The following FLRT2 variants were observed in gnomAD, a reference collection of about 807,000 sequenced individuals.
FLRT2 encodes the protein fibronectin leucine rich transmembrane protein 2.
In FLRT2, 15 loss-of-function variants were observed where a neutral mutation model predicts 40.0. That is an observed-to-expected ratio of 0.38 (90% CI 0.25 to 0.58). The LOEUF (loss-of-function observed/expected upper bound fraction) is 0.58, where lower values mean the gene tolerates loss of function less well. Ranked by LOEUF, FLRT2 falls within the 20% of genes least tolerant of loss-of-function variation. The probability of loss-of-function intolerance (pLI) is 0.71; values close to 1 mark genes in which losing one functional copy is unlikely to be tolerated. For missense variants in FLRT2, 726 were observed against 840.0 expected (o/e 0.86, Z 1.68); for synonymous variants, 380 against 336.8 (o/e 1.13, Z -1.41).
rs1481073937 is a variant in FLRT2, at chr14:85,648,084, A to G, written c.*24587A>G. 6.6e-6 allele frequency: 1 copy of G among 152,164 alleles called. No individual in the cohort carries two copies. The highest frequency in any genetic ancestry group is 1.5e-5 in the Non-Finnish European group (1 of 68,028). The allele number at this position is 152,164 out of a possible 1,614,324, so 9.4% of individuals were successfully genotyped here. A position where few individuals can be genotyped will look rare whatever the true frequency, so the allele number is the denominator to read the frequency against. ...AATTACAGACTATCAGCTTGAAACTATGATTGGAATTGAAGGTTAAAGAAA... is the reference window on the plus strand; with the variant it reads ...AATTACAGACTATCAGCTTGAAACTGTGATTGGAATTGAAGGTTAAAGAAA... On this transcript the variant is annotated 3_prime_UTR_variant, in exon 2 of 2. Transcript: ENST00000330753.
chr14:85,635,691 C>T lies in FLRT2; in HGVS notation c.*12194C>T, dbSNP rs1893982561. The T allele has an allele frequency of 6.6e-6, 1 of 151,754 alleles. No homozygotes were observed. Among genetic ancestry groups the T allele is most frequent in the Non-Finnish European group, 1.5e-5 (1 of 67,894 alleles). 9.4% of individuals were successfully genotyped at this position (151,754 alleles called of 1,614,324 possible). Reference sequence around the variant, plus strand: ...TGATCCCTGCCACTTTTATCTGAACCTTGAACAAACATACAATTATGGTTT... The same window carrying T: ...TGATCCCTGCCACTTTTATCTGAACTTTGAACAAACATACAATTATGGTTT... On this transcript the variant is annotated 3_prime_UTR_variant, in exon 2 of 2. Coordinates refer to ENST00000330753, the MANE Select transcript of FLRT2 (RefSeq NM_013231.6).
At chr14:85,538,090 G>A (rs1888775811) in intron 1 of FLRT2, among the ~76,000 whole-genome samples, 1 of 152,042 alleles carries the variant, frequency 6.6e-6, no homozygotes, top group Non-Finnish European at 1.5e-5. Context: ...TGTACCATTT[G>A]CAGTGAATTG....
At chr14:85,574,126 C>T (rs1441904101) in intron 1 of FLRT2, among the ~76,000 whole-genome samples, 1 of 152,078 alleles carries the variant, frequency 6.6e-6, no homozygotes. Context: ...CTGGGCTGCA[C>T]CATTAACCAG....
chr14:85,613,797 A>G (rs1179138605), intron 1 of FLRT2, among the ~76,000 whole-genome samples: 1 of 152,192 alleles, frequency 6.6e-6, no homozygotes, highest in Non-Finnish European at 1.5e-5. Context: ...TCCTGAGTTC[A>G]AGTCCTAGCC....
intron 1 of FLRT2, among the ~76,000 whole-genome samples, chr14:85,581,206 G>A (rs1410860336): frequency 6.6e-6 from 1 of 152,148 alleles, no homozygotes; most frequent in African/African-American, 2.4e-5. Context: ...GGCAGAGGAT[G>A]AATAAAATGG....
At chr14:85,539,434 C>G (rs549845188) in intron 1 of FLRT2, among the ~76,000 whole-genome samples, 1 of 152,034 alleles carries the variant, frequency 6.6e-6, no homozygotes, top group African/African-American at 2.4e-5. Context: ...GCATTTCACT[C>G]TTCAGCATTA....
chr14:85,571,731 C>T (rs1890900844), intron 1 of FLRT2, among the ~76,000 whole-genome samples: 1 of 152,078 alleles, frequency 6.6e-6, no homozygotes, highest in Non-Finnish European at 1.5e-5. Context: ...CAGTTAGGAC[C>T]TTTTTCGCTC....
chr14:85,543,383 C>G (rs1443639353), intron 1 of FLRT2, among the ~76,000 whole-genome samples: 7 of 152,068 alleles, frequency 4.6e-5, no homozygotes, highest in Non-Finnish European at 7.4e-5. Flanking sequence ...CAATTTAACT[C>G]CATCTGCTAG....
In FLRT2 at chr14:85,620,547, T is replaced by C. The variant is rs545775854; in HGVS notation, c.-376-592T>C. On this transcript the variant is annotated intron_variant, in intron 1 of 1. Transcript: ENST00000330753. ...AAATGGCAACTTATTCAGCTACAGC[T>C]TTTTTATAACATAGTATATGAAAGT... Among the ~76,000 whole-genome samples the C allele has an allele frequency of 2.8e-4, 43 of 152,328 alleles. 1 individual carries two copies. The highest frequency in any genetic ancestry group is 2.4e-3 in the Admixed American group (36 of 15,290).
intron 1 of FLRT2, among the ~76,000 whole-genome samples, chr14:85,576,418 G>A (rs1891129658): frequency 6.6e-6 from 1 of 152,160 alleles, no homozygotes. Flanking sequence ...TCTCCAAACA[G>A]TAGACAGAAT....
At chr14:85,540,754 G>T (rs1476320439) in intron 1 of FLRT2, among the ~76,000 whole-genome samples, 2 of 151,892 alleles carry the variant, frequency 1.3e-5, no homozygotes, top group East Asian at 3.9e-4. Context: ...TACTTTAGCA[G>T]TACATTGTAA....
chr14:85,650,437 A>T lies in FLRT2; in HGVS notation c.*26940A>T, dbSNP rs1245913707. 2 of 151,972 alleles carry T rather than the reference A, an allele frequency of 1.3e-5. No individual in the cohort carries two copies. Among genetic ancestry groups the T allele is most frequent in the Non-Finnish European group, 2.9e-5 (2 of 67,966 alleles). 9.4% of individuals were successfully genotyped at this position (151,972 alleles called of 1,614,324 possible). On this transcript the variant is annotated 3_prime_UTR_variant, in exon 2 of 2. Coordinates refer to ENST00000330753, the MANE Select transcript of FLRT2 (RefSeq NM_013231.6). ...ACTATCCTTCAATGAACACTCTTTT[A>T]ATGTCATCTGGTGTCAGGTATGAGA...
chr14:85,591,423 C>G (rs1240869080), intron 1 of FLRT2, among the ~76,000 whole-genome samples: 1 of 152,190 alleles, frequency 6.6e-6, no homozygotes, highest in East Asian at 1.9e-4. Flanking sequence ...ATCATCCACT[C>G]ATTTCATAGA....
chr14:85,583,245 T>G (rs1269329616), intron 1 of FLRT2, among the ~76,000 whole-genome samples: 2 of 152,322 alleles, frequency 1.3e-5, no homozygotes, highest in Non-Finnish European at 1.5e-5. Context: ...AATGTCCACC[T>G]TCATTTTGTA....
rs540827074 is a variant in FLRT2 at position 85,577,456 on chromosome 14, A to G, written c.-376-43683A>G. Among the ~76,000 whole-genome samples, 416 of 152,254 alleles carry G rather than the reference A, an allele frequency of 2.7e-3. 1 individual carries two copies. Among genetic ancestry groups the G allele is most frequent in the African/African-American group, 9.8e-3 (408 of 41,548 alleles). On this transcript the variant is annotated intron_variant, in intron 1 of 1. Coordinates refer to ENST00000330753, the MANE Select transcript of FLRT2 (RefSeq NM_013231.6). ...TGCTGCTGTCTCTAAAAGGAGATGC[A>G]TGGATTTTTGTTAATTCCCTGCAGC...
rs895867526 is a variant in FLRT2 at position 85,639,127 on chromosome 14, G to A, written c.*15630G>A. 1 of 152,150 alleles carries A rather than the reference G, an allele frequency of 6.6e-6. No homozygotes were observed. The highest frequency in any genetic ancestry group is 2.4e-5 in the African/African-American group (1 of 41,446). The allele number at this position is 152,150 out of a possible 1,614,324, so 9.4% of individuals were successfully genotyped here. On this transcript the variant is annotated 3_prime_UTR_variant, in exon 2 of 2. Transcript: ENST00000330753. ...CAGGCAGTCTCTATTCTGTAACAAG[G>A]TTTTCTCATGATCCAGTTATTTTAA...
At chr14:85,560,651 G>A (rs1393324208) in intron 1 of FLRT2, among the ~76,000 whole-genome samples, 1 of 151,104 alleles carries the variant, frequency 6.6e-6, no homozygotes, top group Non-Finnish European at 1.5e-5. Flanking sequence ...CACAAAAAAG[G>A]GCTGGCTCCT....
At position 85,652,247 on chromosome 14, in the gene FLRT2, T is replaced by C. The variant is rs1894450501; in HGVS notation, c.*28750T>C. 6.6e-6 allele frequency: 1 copy of C among 152,138 alleles called. No homozygotes were observed. The highest frequency in any genetic ancestry group is 6.6e-5 in the Admixed American group (1 of 15,264). 9.4% of individuals were successfully genotyped at this position (152,138 alleles called of 1,614,324 possible). On this transcript the variant is annotated 3_prime_UTR_variant, in exon 2 of 2. Coordinates refer to ENST00000330753, the MANE Select transcript of FLRT2 (RefSeq NM_013231.6). Reference sequence around the variant, plus strand: ...GATGTTTTAATGATTTGAGTTTATGTATTATTTGAAGAATCTCTAAATAGC... The same window carrying C: ...GATGTTTTAATGATTTGAGTTTATGCATTATTTGAAGAATCTCTAAATAGC...
intron 1 of FLRT2, among the ~76,000 whole-genome samples, chr14:85,574,137 C>T (rs1214069384): frequency 1.3e-5 from 2 of 152,088 alleles, no homozygotes; most frequent in Non-Finnish European, 2.9e-5. Flanking sequence ...CATTAACCAG[C>T]TCAAAAATAG....
Sources: allele counts gnomAD v4.1 joint callset (sites outside exome capture counted in the v4.1 genomes callset), GRCh38; gene constraint gnomAD v4.1.1; transcripts MANE v1.5; gene names NCBI Gene and HGNC (gene_info 2026-07-23, HGNC 2026-07-21).